The following CCSER1 variants were observed in gnomAD, a reference collection of about 807,000 sequenced individuals.
CCSER1 encodes serine-rich coiled-coil domain-containing protein 1.
In CCSER1, 41 loss-of-function variants were observed where a neutral mutation model predicts 82.0. That is an observed-to-expected ratio of 0.50 (90% CI 0.39 to 0.65). CCSER1 has a LOEUF of 0.65. Ranked by LOEUF, CCSER1 falls within the 30% of genes least tolerant of loss-of-function variation. The probability of loss-of-function intolerance (pLI) is 0.00; values close to 1 mark genes in which losing one functional copy is unlikely to be tolerated. For synonymous variants in CCSER1, 414 were observed against 383.9 expected (o/e 1.08, Z -0.92); for missense variants, 1,119 against 1,064.2 (o/e 1.05, Z -0.72).
At chr4:90,400,194 G>A (rs1160923106) in intron 4 of CCSER1, 65 bp downstream of exon 4, 2 of 817,834 alleles carry the variant, frequency 2.4e-6, no homozygotes, top group Non-Finnish European at 2.0e-6. Context: ...TTCACTGATA[G>A]CCTAAACACT....
intron 4 of CCSER1, among the ~76,000 whole-genome samples, chr4:90,426,062 G>A (rs960316034): frequency 6.6e-6 from 1 of 152,148 alleles, no homozygotes; most frequent in African/African-American, 2.4e-5. Context: ...GCCAGAGATG[G>A]TTTAGAAACT....
intron 9 of CCSER1, among the ~76,000 whole-genome samples, chr4:91,003,925 A>C (rs1423367654): frequency 1.3e-5 from 2 of 151,880 alleles, no homozygotes; most frequent in African/African-American, 4.8e-5. Context: ...TCTGCATTTC[A>C]CTTGGTTCTC....
intron 10 of CCSER1, among the ~76,000 whole-genome samples, chr4:91,427,449 C>T (rs1229095605): frequency 1.3e-5 from 2 of 152,014 alleles, no homozygotes; most frequent in Admixed American, 1.3e-4. Context: ...CCCAGCCATT[C>T]AAGGATTCAG....
In CCSER1 at chr4:90,130,748, G is replaced by T. The variant is rs575856299; in HGVS notation, c.-42+2917G>T. On this transcript the variant is annotated intron_variant, in intron 1 of 10. Transcript: ENST00000509176. ...AAGTGATTCTCCTGCCTCAGCCTCC[G>T]GAGTAGTTGGGACTACAGGCGCATG... Among the ~76,000 whole-genome samples the T allele has an allele frequency of 1.9e-4, 28 of 146,118 alleles. No homozygotes were observed. In the Middle Eastern group the frequency reaches 0.012, roughly 62 times the overall value.
At chr4:90,839,120 T>G in intron 8 of CCSER1, 1 of 956,196 alleles carries the variant, frequency 1.0e-6, no homozygotes. Context: ...GTTGTCGCCA[T>G]AATATTTTTA....
At chr4:91,171,303 T>C (rs1295669909) in intron 10 of CCSER1, among the ~76,000 whole-genome samples, 1 of 152,224 alleles carries the variant, frequency 6.6e-6, no homozygotes, top group Non-Finnish European at 1.5e-5. Flanking sequence ...GTCTAAGTTA[T>C]TGTTTACACA....
At chr4:90,163,270 A>G (rs1328881042) in intron 1 of CCSER1, among the ~76,000 whole-genome samples, 1 of 152,008 alleles carries the variant, frequency 6.6e-6, no homozygotes, top group Non-Finnish European at 1.5e-5. Flanking sequence ...AGTGGGGATA[A>G]TAAATGTTTC....
At chr4:90,832,014 T>C (rs867500008) in intron 8 of CCSER1, among the ~76,000 whole-genome samples, 14 of 152,064 alleles carry the variant, frequency 9.2e-5, no homozygotes, top group African/African-American at 3.1e-4. Context: ...AAAATAAATG[T>C]TCAAAACTCT....
intron 9 of CCSER1, among the ~76,000 whole-genome samples, chr4:91,035,897 C>G (rs1023960217): frequency 2.0e-5 from 3 of 152,130 alleles, no homozygotes; most frequent in African/African-American, 7.2e-5. Context: ...GAAATGCAAC[C>G]TTTGTATGTT....
At chr4:90,833,818 C>T (rs750520881) in intron 8 of CCSER1, among the ~76,000 whole-genome samples, 18 of 152,138 alleles carry the variant, frequency 1.2e-4, no homozygotes, top group Non-Finnish European at 2.4e-4. Context: ...TACCCTCCTC[C>T]CAACAGCTGG....
At chr4:90,727,275 A>G (rs534746493) in intron 7 of CCSER1, 2 of 456,204 alleles carry the variant, frequency 4.4e-6, no homozygotes, top group African/African-American at 4.0e-5. Context: ...TAGAAGAGCC[A>G]AAGGATAACC....
At chr4:90,647,480 C>T (rs1460944432) in intron 6 of CCSER1, among the ~76,000 whole-genome samples, 1 of 151,926 alleles carries the variant, frequency 6.6e-6, no homozygotes, top group African/African-American at 2.4e-5. Flanking sequence ...TTATACTCTG[C>T]CATGAAAATT....
chr4:90,952,824 C>A (rs1733051747), intron 9 of CCSER1, among the ~76,000 whole-genome samples: 2 of 151,978 alleles, frequency 1.3e-5, no homozygotes, highest in African/African-American at 2.4e-5. Flanking sequence ...TTTCCAGGTG[C>A]TTCTGCCCAC....
chr4:90,684,287 CTTCT>C (rs776991967), intron 6 of CCSER1, among the ~76,000 whole-genome samples: 1 of 151,866 alleles, frequency 6.6e-6, no homozygotes, highest in Non-Finnish European at 1.5e-5. Flanking sequence ...TTTTATTTAA[CTTCT>C]TTGAGATGTA....
At chr4:91,508,905 C>A (rs957576657) in intron 10 of CCSER1, among the ~76,000 whole-genome samples, 3 of 151,738 alleles carry the variant, frequency 2.0e-5, no homozygotes, top group Admixed American at 1.3e-4. Flanking sequence ...CCCCTTGATC[C>A]CTTTGATCAA....
At chr4:90,556,029 A>G (rs1778086995) in intron 5 of CCSER1, among the ~76,000 whole-genome samples, 1 of 152,130 alleles carries the variant, frequency 6.6e-6, no homozygotes, top group African/African-American at 2.4e-5. Flanking sequence ...TAAATAAGGT[A>G]TAAACAACAA....
At chr4:91,062,116 G>T (rs1744006850) in intron 9 of CCSER1, among the ~76,000 whole-genome samples, 1 of 151,332 alleles carries the variant, frequency 6.6e-6, no homozygotes, top group Admixed American at 6.6e-5. Flanking sequence ...AAAAAACAAG[G>T]CTGCAAACAT....
At chr4:90,879,677 AGAAGAAGAAGAG>A (rs1387009621) in intron 8 of CCSER1, among the ~76,000 whole-genome samples, 79 of 152,092 alleles carry the variant, frequency 5.2e-4, no homozygotes, top group African/African-American at 1.8e-3. Flanking sequence ...AGAAGAAGAA[AGAAGAAGAAGAG>A]GAAGAAGAAG....
chr4:91,437,766 C>A (rs1754768876), intron 10 of CCSER1, among the ~76,000 whole-genome samples: 1 of 152,220 alleles, frequency 6.6e-6, no homozygotes. Context: ...AAAATCGGGT[C>A]ACTCCCACCC....
Sources: gnomAD v4.1 joint callset for allele counts (sites outside exome capture counted in the v4.1 genomes callset) on GRCh38, gnomAD v4.1.1 for gene constraint, MANE v1.5 for transcripts, NCBI Gene and HGNC (gene_info 2026-07-23, HGNC 2026-07-21) for gene names.